Variants in IMMP2L observed in about 807,000 individuals in gnomAD.
IMMP2L encodes mitochondrial inner membrane protease subunit 2.
IMMP2L carries 18 observed loss-of-function variants against 19.3 expected under a neutral mutation model. The ratio of observed to expected loss-of-function variants is 0.93; its 90% CI spans 0.64 to 1.38. IMMP2L has a LOEUF of 1.38. Ranked by LOEUF, IMMP2L falls within the 40% of genes most tolerant of loss-of-function variation. The pLI is 0.00. For synonymous variants in IMMP2L, 76 were observed against 73.0 expected (o/e 1.04, Z -0.21); for missense variants, 233 against 218.2 (o/e 1.07, Z -0.43).
intron 3 of IMMP2L, among the ~76,000 whole-genome samples, chr7:111,146,692 T>C (rs1232043617): frequency 6.6e-6 from 1 of 151,930 alleles, no homozygotes; most frequent in Non-Finnish European, 1.5e-5. Flanking sequence ...GTAACAGGAA[T>C]GTAAAAAGAT....
rs1189602113 is a variant in IMMP2L, at chr7:111,257,597, TC to T, written c.239+229640del. On this transcript the variant is annotated intron_variant, in intron 3 of 5. Transcript: ENST00000405709. ...GTAGGGATTTTACTCATGTGAGTCT[TC>T]CATTATTATACAAGGCAAATTCTTC... Among the ~76,000 whole-genome samples the T allele has an allele frequency of 2.0e-5, 3 of 152,078 alleles. No individual in the cohort carries two copies. In the East Asian group the frequency reaches 5.8e-4, roughly 29 times the overall value.
chr7:111,547,722 A>ATT (rs58711480), intron 1 of IMMP2L, among the ~76,000 whole-genome samples: 69 of 138,148 alleles, frequency 5.0e-4, no homozygotes, highest in African/African-American at 1.7e-3. Flanking sequence ...CACCAGTCTA[A>ATT]TTTTTTTTTT....
chr7:110,842,843 G>A (rs1045623894), intron 5 of IMMP2L, among the ~76,000 whole-genome samples: 2 of 152,110 alleles, frequency 1.3e-5, no homozygotes, highest in African/African-American at 2.4e-5. Flanking sequence ...TAATTGAAAA[G>A]AAGCTTAATT....
At chr7:111,024,697 A>G (rs1046250559) in intron 3 of IMMP2L, among the ~76,000 whole-genome samples, 1 of 152,202 alleles carries the variant, frequency 6.6e-6, no homozygotes, top group Non-Finnish European at 1.5e-5. Context: ...TATCCTTTCA[A>G]TAACTATCAC....
chr7:110,739,433 CA>C (rs1796852020), intron 5 of IMMP2L, among the ~76,000 whole-genome samples: 1 of 152,042 alleles, frequency 6.6e-6, no homozygotes, highest in Admixed American at 6.6e-5. Flanking sequence ...TCAAACAAAA[CA>C]AATTTTAAAG....
chr7:110,937,091 T>C (rs1479320660), intron 4 of IMMP2L, among the ~76,000 whole-genome samples: 2 of 152,024 alleles, frequency 1.3e-5, no homozygotes, highest in African/African-American at 4.8e-5. Context: ...TTAGGAGAAA[T>C]ATCTAATGTA....
At chr7:111,474,705 C>G (rs1841570902) in intron 3 of IMMP2L, among the ~76,000 whole-genome samples, 1 of 151,898 alleles carries the variant, frequency 6.6e-6, no homozygotes. Flanking sequence ...ACCTTTTTTG[C>G]CAAATTTGGA....
At chr7:110,801,764 G>A (rs565764393) in intron 5 of IMMP2L, among the ~76,000 whole-genome samples, 5 of 152,170 alleles carry the variant, frequency 3.3e-5, no homozygotes, top group African/African-American at 1.2e-4. Flanking sequence ...CACTGGTAAG[G>A]TATGAATTCC....
intron 3 of IMMP2L, among the ~76,000 whole-genome samples, chr7:111,408,811 C>A (rs1019872151): frequency 6.6e-6 from 1 of 151,602 alleles, no homozygotes; most frequent in Admixed American, 6.6e-5. Flanking sequence ...GCAAGCCTGA[C>A]ATTTAGATAT....
intron 3 of IMMP2L, among the ~76,000 whole-genome samples, chr7:111,205,385 T>C (rs1810588968): frequency 6.6e-6 from 1 of 152,188 alleles, no homozygotes; most frequent in South Asian, 2.1e-4. Flanking sequence ...ACTTGGTTTG[T>C]TGTGTATTTC....
At chr7:111,014,143 C>G (rs913024177) in intron 3 of IMMP2L, among the ~76,000 whole-genome samples, 1 of 152,044 alleles carries the variant, frequency 6.6e-6, no homozygotes, top group South Asian at 2.1e-4. Context: ...GGAGGCAGAT[C>G]ACTTGAGGCC....
At chr7:111,402,449 G>A (rs112102743) in intron 3 of IMMP2L, among the ~76,000 whole-genome samples, 42 of 152,054 alleles carry the variant, frequency 2.8e-4, no homozygotes, top group African/African-American at 9.4e-4. Flanking sequence ...GGTGGCTCAC[G>A]CATGCAATCC....
rs369613876 is a variant in IMMP2L, at chr7:110,771,393, A to G, written c.409-107672T>C. ...AACAAGGCTCATCTTAACAGGAGAA[A>G]GCAGGGCTGAACAAATGAAAAGGAC... On this transcript the variant is annotated intron_variant, in intron 5 of 5. Coordinates refer to ENST00000405709, the MANE Select transcript of IMMP2L (RefSeq NM_032549.4). 5.6e-4 allele frequency among the ~76,000 whole-genome samples: 85 copies of G among 152,242 alleles called. 1 individual carries two copies. Among genetic ancestry groups the G allele is most frequent in the African/African-American group, 1.9e-3 (78 of 41,542 alleles).
intron 3 of IMMP2L, among the ~76,000 whole-genome samples, chr7:111,180,747 C>G (rs1165467936): frequency 1.3e-5 from 2 of 151,966 alleles, no homozygotes; most frequent in Non-Finnish European, 1.5e-5. Flanking sequence ...ACTTTTCATG[C>G]ATTCACACGT....
chr7:110,959,140 G>GT (rs1396033202), intron 4 of IMMP2L, among the ~76,000 whole-genome samples: 1 of 151,942 alleles, frequency 6.6e-6, no homozygotes, highest in African/African-American at 2.4e-5. Context: ...GAAACCTACA[G>GT]TAAGTATAAA....
In IMMP2L at chr7:110,834,193, A is replaced by T. The variant is rs1227484514; in HGVS notation, c.408+52400T>A. Among the ~76,000 whole-genome samples, 3 of 152,088 alleles carry T rather than the reference A, an allele frequency of 2.0e-5. No individual in the cohort carries two copies. In the East Asian group the frequency reaches 5.8e-4, roughly 29 times the overall value. ...TATTCTTTATGAATAATAAATCTTAAATGTAGTTTTAAAACTGGGACTTCC... is the reference window on the plus strand; with the variant it reads ...TATTCTTTATGAATAATAAATCTTATATGTAGTTTTAAAACTGGGACTTCC... On this transcript the variant is annotated intron_variant, in intron 5 of 5. Transcript: ENST00000405709.
At chr7:111,432,418 A>T (rs1439123949) in intron 3 of IMMP2L, among the ~76,000 whole-genome samples, 1 of 151,786 alleles carries the variant, frequency 6.6e-6, no homozygotes, top group Non-Finnish European at 1.5e-5. Context: ...AAAAGACACA[A>T]ATTAATAAAT....
At chr7:111,421,121 C>G (rs774946692) in intron 3 of IMMP2L, among the ~76,000 whole-genome samples, 28 of 151,762 alleles carry the variant, frequency 1.8e-4, no homozygotes, top group Non-Finnish European at 3.4e-4. Context: ...AGATGGTTAT[C>G]TCATTGTGGT....
intron 2 of IMMP2L, among the ~76,000 whole-genome samples, chr7:111,490,875 T>C (rs186418884): frequency 6.5e-4 from 99 of 152,246 alleles, no homozygotes; most frequent in Non-Finnish European, 1.1e-3. Context: ...TTTAACAGCT[T>C]TACAAATATA....
Sources: allele counts gnomAD v4.1 joint callset (sites outside exome capture counted in the v4.1 genomes callset), GRCh38; gene constraint gnomAD v4.1.1; transcripts MANE v1.5; gene names NCBI Gene and HGNC (gene_info 2026-07-23, HGNC 2026-07-21).